Variants in THSD7A observed in about 807,000 individuals in gnomAD.
THSD7A encodes the protein thrombospondin type 1 domain containing 7A.
Under a neutral mutation model 231.3 loss-of-function variants are expected in THSD7A, and 96 were observed. The ratio of observed to expected loss-of-function variants is 0.41; its 90% CI spans 0.35 to 0.49. The LOEUF (loss-of-function observed/expected upper bound fraction) is 0.49. Among genes scored for constraint, THSD7A ranks in the 20% least tolerant of loss-of-function variants. The pLI is 0.05. For synonymous variants in THSD7A, 940 were observed against 743.3 expected (o/e 1.26, Z -4.30); for missense variants, 2,290 against 2,070.2 (o/e 1.11, Z -2.06).
chr7:11,379,650 G>T lies in THSD7A; in HGVS notation c.4570C>A (p.Pro1524Thr). 6.3e-7 allele frequency: 1 copy of T among 1,588,602 alleles called. No homozygotes were observed. Among genetic ancestry groups the T allele is most frequent in the African/African-American group, 1.3e-5 (1 of 74,546 alleles). ...DRSCNPPCSQ[P>T]HSYCSETKTC... ...CATACCTCGCTACAGTACGAGTGGGGTTGACTACACGGTGGGTTACAAGAC... is the reference window on the plus strand; with the variant it reads ...CATACCTCGCTACAGTACGAGTGGGTTTGACTACACGGTGGGTTACAAGAC... The change falls in exon 25 of 28, where the codon CCC (proline) becomes ACC (threonine). Residue 1524 changes from proline (P) to threonine (T), a missense_variant. Physicochemically the swap from Pro to Thr is conservative, Grantham distance 38. Coordinates refer to ENST00000423059, the MANE Select transcript of THSD7A (RefSeq NM_015204.3).
In THSD7A at chr7:11,712,728, A is replaced by T. The variant is rs1481912673; in HGVS notation, c.191-75767T>A. The stretch of plus-strand genomic sequence containing the variant: ...GTTTTCTACTTAATCCTAACATCAA[A>T]TCTCACCTTCAAGTAACAGTTGATA... On this transcript the variant is annotated intron_variant, in intron 1 of 27. Transcript: ENST00000423059. 2.6e-5 allele frequency among the ~76,000 whole-genome samples: 4 copies of T among 151,016 alleles called. No homozygotes were observed. The East Asian group carries it at 7.9e-4, about 30-fold the overall frequency.
At chr7:11,384,101 A>T (rs1782633392) in intron 23 of THSD7A, 1 of 151,934 alleles carries the variant, frequency 6.6e-6, no homozygotes, top group Non-Finnish European at 1.5e-5. Context: ...GAAATTTGTT[A>T]TTTATAGTAA....
intron 1 of THSD7A, among the ~76,000 whole-genome samples, chr7:11,686,314 C>T (rs142939604): frequency 0.016 from 2,420 of 151,896 alleles, 29 homozygotes; most frequent in Middle Eastern, 0.095. Flanking sequence ...GTAATAAACC[C>T]ACACATGTAC....
rs1786052283 is a variant in THSD7A at position 11,474,209 on chromosome 7, A to C, written c.2252+125T>G. On this transcript the variant is annotated intron_variant, in intron 8 of 27. Transcript: ENST00000423059. This position sits in a 1 kb window ranked among gnomAD's most constrained non-coding sequence, Gnocchi z 4.1. ...AGTGGCTGACTTTCAAAACAAACAA[A>C]TCTTGCTCTTGAGGACAGGTATGAC... 5 of 763,780 alleles carry C rather than the reference A, an allele frequency of 6.5e-6. No individual in the cohort carries two copies. Among genetic ancestry groups the C allele is most frequent in the Admixed American group, 6.4e-5 (2 of 31,240 alleles). The allele number at this position is 763,780 out of a possible 1,614,324, so 47.3% of individuals were successfully genotyped here. A position where few individuals can be genotyped will look rare whatever the true frequency, so the allele number is the denominator to read the frequency against.
At chr7:11,681,161 T>A (rs556440408) in intron 1 of THSD7A, among the ~76,000 whole-genome samples, 1 of 151,770 alleles carries the variant, frequency 6.6e-6, no homozygotes, top group East Asian at 1.9e-4. Context: ...TGAGAACATA[T>A]GGGCACTGGG....
At chr7:11,694,896 C>G (rs376201505) in intron 1 of THSD7A, among the ~76,000 whole-genome samples, 1 of 151,486 alleles carries the variant, frequency 6.6e-6, no homozygotes, top group African/African-American at 2.4e-5. Context: ...CGTAGCATAT[C>G]TCTTTCATAT....
In THSD7A at chr7:11,636,259, T is replaced by C; in HGVS notation, c.893A>G (p.Glu298Gly). The change falls in exon 2 of 28, where the codon GAG becomes GGG. Residue 298 changes from glutamate to glycine, a missense_variant. Coordinates refer to ENST00000423059, the MANE Select transcript of THSD7A (RefSeq NM_015204.3). This position sits in a 1 kb window ranked among gnomAD's most constrained non-coding sequence, Gnocchi z 10.0. ...SKGVKDPEAR[E>G]LIKKKRNRNR... ...TCTGTTTCTCTTTTTCTTAATAAGC[T>C]CGCGGGCTTCTGGATCCTTTACTCC... is the stretch of plus-strand genomic sequence containing the variant. 1 of 1,614,054 alleles carries C rather than the reference T, an allele frequency of 6.2e-7. No individual in the cohort carries two copies. The highest frequency in any genetic ancestry group is 1.6e-4 in the Middle Eastern group (1 of 6,062).
intron 4 of THSD7A, among the ~76,000 whole-genome samples, chr7:11,555,207 C>T (rs935613068): frequency 6.6e-6 from 1 of 151,664 alleles, no homozygotes; most frequent in Non-Finnish European, 1.5e-5. Context: ...GTGTCTTATC[C>T]TCTTTTCCAA....
At position 11,764,317 on chromosome 7, in the gene THSD7A, C is replaced by T. The variant is rs544028847; in HGVS notation, c.190+67440G>A. ...AAAGTAAAGACCGGGCATGGTGGCT[C>T]ATGCCTGTGATCCCAGCACTTTGGG... On this transcript the variant is annotated intron_variant, in intron 1 of 27. Transcript: ENST00000423059. Among the ~76,000 whole-genome samples, 39 of 152,256 alleles carry T rather than the reference C, an allele frequency of 2.6e-4. 1 individual carries two copies. Among genetic ancestry groups the T allele is most frequent in the Admixed American group, 1.4e-3 (22 of 15,296 alleles).
chr7:11,523,984 C>T (rs184890963), intron 6 of THSD7A, among the ~76,000 whole-genome samples: 9 of 152,224 alleles, frequency 5.9e-5, no homozygotes, highest in Admixed American at 2.0e-4. Context: ...TGTGATTAAA[C>T]AACATTTCAT....
In THSD7A at chr7:11,450,846, G is replaced by T. The variant is rs147642622; in HGVS notation, c.2606-3422C>A. 6.8e-4 allele frequency among the ~76,000 whole-genome samples: 103 copies of T among 152,084 alleles called. 1 individual carries two copies. Among genetic ancestry groups the T allele is most frequent in the African/African-American group, 2.4e-3 (101 of 41,524 alleles). ...TGTTAGCAAGATGGGAAAAAGTCATGTTACCCTACAGATAATTCACCATGA... is the reference window on the plus strand; with the variant it reads ...TGTTAGCAAGATGGGAAAAAGTCATTTTACCCTACAGATAATTCACCATGA... On this transcript the variant is annotated intron_variant, in intron 11 of 27. Coordinates refer to ENST00000423059, the MANE Select transcript of THSD7A (RefSeq NM_015204.3).
intron 11 of THSD7A, among the ~76,000 whole-genome samples, chr7:11,454,719 G>T (rs1334418291): frequency 6.6e-6 from 1 of 151,710 alleles, no homozygotes; most frequent in Non-Finnish European, 1.5e-5. Flanking sequence ...TATCTCAAGA[G>T]GCTGGGCCTA....
At chr7:11,507,566 T>C (rs1170346478) in intron 6 of THSD7A, among the ~76,000 whole-genome samples, 2 of 151,086 alleles carry the variant, frequency 1.3e-5, no homozygotes, top group Non-Finnish European at 1.5e-5. Context: ...TTTATTGCTC[T>C]ACAAGTTCAC....
chr7:11,460,542 T>G (rs147094673), intron 11 of THSD7A, 120 bp downstream of exon 11: 4 of 653,334 alleles, frequency 6.1e-6, no homozygotes, highest in Non-Finnish European at 1.0e-5. Flanking sequence ...GAATGGCTCA[T>G]AGCAGATTTA....
At chr7:11,764,184 C>T (rs10265139) in intron 1 of THSD7A, among the ~76,000 whole-genome samples, 31,469 of 152,068 alleles carry the variant, frequency 0.21, 4,543 homozygotes, top group African/African-American at 0.41. Context: ...AGAAAGAGTA[C>T]GAACTTGACA....
intron 1 of THSD7A, among the ~76,000 whole-genome samples, chr7:11,703,399 C>T (rs545089503): frequency 6.4e-4 from 97 of 151,180 alleles, no homozygotes; most frequent in Non-Finnish European, 1.2e-3. Flanking sequence ...TATTTCAGAT[C>T]CTACCCAATA....
At chr7:11,533,392 C>A (rs1043925527) in intron 6 of THSD7A, among the ~76,000 whole-genome samples, 5 of 152,058 alleles carry the variant, frequency 3.3e-5, no homozygotes, top group African/African-American at 4.8e-5. Flanking sequence ...AAAAGTAGAG[C>A]CTAATCAAGG....
intron 1 of THSD7A, among the ~76,000 whole-genome samples, chr7:11,734,082 C>A (rs1781826164): frequency 6.6e-6 from 1 of 151,934 alleles, no homozygotes; most frequent in Admixed American, 6.6e-5. Flanking sequence ...TCTTCAACCC[C>A]TTCCTGTTGA....
chr7:11,685,122 GA>G, intron 1 of THSD7A, among the ~76,000 whole-genome samples: 1 of 151,992 alleles, frequency 6.6e-6, no homozygotes, highest in African/African-American at 2.4e-5. Flanking sequence ...AAATAATGGG[GA>G]AAGAACACTC....
Sources: allele counts gnomAD v4.1 joint callset (sites outside exome capture counted in the v4.1 genomes callset), GRCh38; gene constraint gnomAD v4.1.1; non-coding constraint Gnocchi (gnomAD v3.1); transcripts MANE v1.5; gene names NCBI Gene and HGNC (gene_info 2026-07-23, HGNC 2026-07-21).